The following SPATA16 variants were observed in gnomAD, a reference collection of about 807,000 sequenced individuals.
SPATA16 encodes the protein spermatogenesis-associated protein 16.
SPATA16 carries 36 observed loss-of-function variants against 63.3 expected under a neutral mutation model. The ratio of observed to expected loss-of-function variants is 0.57; its 90% CI spans 0.44 to 0.75. The LOEUF (loss-of-function observed/expected upper bound fraction) is 0.75. SPATA16 is among the 30% of genes least tolerant of loss of function. The pLI, the probability that SPATA16 is intolerant of heterozygous loss-of-function variation, is 0.00. For missense variants in SPATA16, 646 were observed against 679.3 expected (o/e 0.95, Z 0.54); for synonymous variants, 203 against 216.7 (o/e 0.94, Z 0.56).
intron 2 of SPATA16, among the ~76,000 whole-genome samples, chr3:173,065,519 A>T (rs920503808): frequency 5.9e-5 from 9 of 152,220 alleles, no homozygotes; most frequent in Admixed American, 4.6e-4. Flanking sequence ...CCACACAGGA[A>T]ATCACTTTCA....
chr3:172,960,174 G>A (rs1485334610), intron 5 of SPATA16, among the ~76,000 whole-genome samples: 1 of 152,084 alleles, frequency 6.6e-6, no homozygotes, highest in Non-Finnish European at 1.5e-5. Context: ...AGGAAATGCT[G>A]GTTGTAAAAA....
chr3:173,124,061 C>T (rs1269287086), intron 1 of SPATA16, among the ~76,000 whole-genome samples: 1 of 152,136 alleles, frequency 6.6e-6, no homozygotes, highest in Non-Finnish European at 1.5e-5. Flanking sequence ...ATTGCCAAGC[C>T]ATTTGCTGAT....
chr3:173,011,807 A>G (rs1378858991), intron 4 of SPATA16, among the ~76,000 whole-genome samples: 1 of 152,032 alleles, frequency 6.6e-6, no homozygotes, highest in African/African-American at 2.4e-5. Context: ...TTATTTATTT[A>G]TTGATGTTTT....
Position 173,024,549 on chromosome 3 carries a change from A to G in SPATA16, c.759-4974T>C, listed in dbSNP as rs577536074. On this transcript the variant is annotated intron_variant, in intron 3 of 10. Transcript: ENST00000351008. ...AATTAATGATTCAAGAAAGGTATCA[A>G]AATTAATACAGAATATTAAAGCCAA... Among the ~76,000 whole-genome samples, 298 of 151,040 alleles carry G rather than the reference A, an allele frequency of 2.0e-3. 1 individual carries two copies. The highest frequency in any genetic ancestry group is 6.9e-3 in the African/African-American group (287 of 41,534).
In SPATA16 at chr3:173,117,198, T is replaced by C; in HGVS notation, c.534A>G (p.Val178=). ...AGCAAGAGCTGGCATCCTTTAAGGC[T>C]ACCTGAAGCCATTTGTCAATCTGAG... ...FLPQIDKWLQ[V]ALKDASSCYR... is the part of the protein sequence containing the mutation. The change falls in exon 2 of 11, where the codon GTA becomes GTG. Residue 178 remains valine (V), a synonymous_variant. Transcript: ENST00000351008. 1 of 1,614,184 alleles carries C rather than the reference T, an allele frequency of 6.2e-7. No individual in the cohort carries two copies. The highest frequency in any genetic ancestry group is 2.2e-5 in the East Asian group (1 of 44,880).
intron 3 of SPATA16, among the ~76,000 whole-genome samples, chr3:173,022,450 A>T (rs950153583): frequency 5.9e-5 from 9 of 152,174 alleles, no homozygotes; most frequent in African/African-American, 1.9e-4. Context: ...ATTATTTTTG[A>T]CTTTTATAAT....
intron 5 of SPATA16, among the ~76,000 whole-genome samples, chr3:172,962,602 C>T (rs969195107): frequency 4.6e-5 from 7 of 152,138 alleles, no homozygotes; most frequent in African/African-American, 1.7e-4. Flanking sequence ...TTTCATTTAG[C>T]AGTGTGATAA....
chr3:172,916,518 C>T lies in SPATA16; in HGVS notation c.1339-37G>A, dbSNP rs754791784. 6 of 1,611,670 alleles carry T rather than the reference C, an allele frequency of 3.7e-6. No individual in the cohort carries two copies. In the South Asian group the frequency reaches 6.6e-5, roughly 18 times the overall value. On this transcript the variant is annotated intron_variant, in intron 8 of 10. Transcript: ENST00000351008. ...GTAAAAGAAATGTTTTAGAACAAAACCACGGAAATAGACCTCTCCCCAGGG... is the reference window on the plus strand; with the variant it reads ...GTAAAAGAAATGTTTTAGAACAAAATCACGGAAATAGACCTCTCCCCAGGG...
Position 173,117,702 on chromosome 3 carries a change from C to G in SPATA16, c.30G>C (p.Glu10Asp). The G allele has an allele frequency of 6.2e-7, 1 of 1,614,136 alleles. No homozygotes were observed. Among genetic ancestry groups the G allele is most frequent in the Non-Finnish European group, 8.5e-7 (1 of 1,180,004 alleles). Reference protein sequence around the residue: MDAGSSRSLENAVNRIYHDQ... With the variant: MDAGSSRSLDNAVNRIYHDQ... ...CATGATAGATCCTATTCACTGCATT[C>G]TCCAAACTCCTACTGCTTCCTGCAT... The change falls in exon 2 of 11, where the codon GAG (glutamate) becomes GAC (aspartate). Residue 10 changes from glutamate (E) to aspartate (D), a missense_variant. Transcript: ENST00000351008.
chr3:172,893,434 A>G (rs1731935034), intron 10 of SPATA16, among the ~76,000 whole-genome samples: 1 of 152,232 alleles, frequency 6.6e-6, no homozygotes, highest in Non-Finnish European at 1.5e-5. Context: ...GGCAGGGAAC[A>G]GTTTCTTCTG....
At chr3:173,004,809 C>T (rs1011060930) in intron 4 of SPATA16, among the ~76,000 whole-genome samples, 1 of 152,146 alleles carries the variant, frequency 6.6e-6, no homozygotes, top group East Asian at 1.9e-4. Flanking sequence ...ATCCTCATAA[C>T]CTCCGTGACA....
intron 4 of SPATA16, among the ~76,000 whole-genome samples, chr3:172,985,171 A>C (rs1056911077): frequency 6.6e-6 from 1 of 152,200 alleles, no homozygotes; most frequent in Non-Finnish European, 1.5e-5. Flanking sequence ...ACTAGCAGAC[A>C]TGTCCTATTC....
intron 2 of SPATA16, among the ~76,000 whole-genome samples, chr3:173,073,297 T>C (rs1736714742): frequency 6.6e-6 from 1 of 152,216 alleles, no homozygotes; most frequent in Admixed American, 6.5e-5. Context: ...TTTGCATAAG[T>C]AACGAGGAGC....
chr3:172,943,254 A>G (rs1733201529), intron 6 of SPATA16, among the ~76,000 whole-genome samples: 1 of 152,236 alleles, frequency 6.6e-6, no homozygotes, highest in East Asian at 1.9e-4. Flanking sequence ...TGAATAAACG[A>G]CAACTTTTAA....
At chr3:172,926,821 G>GT (rs1732747578) in intron 6 of SPATA16, among the ~76,000 whole-genome samples, 1 of 152,184 alleles carries the variant, frequency 6.6e-6, no homozygotes, top group African/African-American at 2.4e-5. Flanking sequence ...TCCATTTTGA[G>GT]TAACAAGGCT....
intron 10 of SPATA16, among the ~76,000 whole-genome samples, chr3:172,894,502 A>T (rs1429352334): frequency 2.0e-5 from 3 of 150,622 alleles, no homozygotes; most frequent in Non-Finnish European, 4.4e-5. Flanking sequence ...AAAAAAAAAA[A>T]AAAGCCAAAC....
intron 6 of SPATA16, among the ~76,000 whole-genome samples, chr3:172,941,988 A>T (rs1733159932): frequency 6.6e-6 from 1 of 152,182 alleles, no homozygotes; most frequent in South Asian, 2.1e-4. Context: ...ATTGTAAATA[A>T]AGAAAAAATG....
chr3:172,961,427 C>T (rs1733782261), intron 5 of SPATA16, among the ~76,000 whole-genome samples: 1 of 152,128 alleles, frequency 6.6e-6, no homozygotes, highest in African/African-American at 2.4e-5. Flanking sequence ...TGGAGTTTTG[C>T]TCTGTAGCCC....
intron 3 of SPATA16, among the ~76,000 whole-genome samples, chr3:173,035,959 A>ATT (rs34251952): frequency 7.9e-4 from 114 of 143,676 alleles, no homozygotes; most frequent in African/African-American, 2.7e-3. Context: ...CTCAGCCTCT[A>ATT]TTTTTTTTTT....
Sources: gnomAD v4.1 joint callset for allele counts (sites outside exome capture counted in the v4.1 genomes callset) on GRCh38, gnomAD v4.1.1 for gene constraint, MANE v1.5 for transcripts, NCBI Gene and HGNC (gene_info 2026-07-23, HGNC 2026-07-21) for gene names.